The following GCKR variants were observed in gnomAD, a reference collection of about 807,000 sequenced individuals.
GCKR encodes the protein glucokinase regulatory protein.
GCKR carries 73 observed loss-of-function variants against 82.9 expected under a neutral mutation model. The ratio of observed to expected loss-of-function variants is 0.88; its 90% CI spans 0.73 to 1.07. GCKR has a LOEUF of 1.07. GCKR is among the 50% of genes least tolerant of loss of function. The pLI, the probability that GCKR is intolerant of heterozygous loss-of-function variation, is 0.00. For synonymous variants in GCKR, 294 were observed against 291.8 expected, an observed-to-expected ratio of 1.01 and a Z score of -0.08; for missense variants, 784 against 782.1, an observed-to-expected ratio of 1.00 and a Z score of -0.03.
chr2:27,514,580 C>T (rs990773508), intron 16 of GCKR, among the ~76,000 whole-genome samples: 1 of 152,160 alleles, frequency 6.6e-6, no homozygotes, highest in African/African-American at 2.4e-5. Flanking sequence ...AGAGCTCTTC[C>T]TCATTAATTT....
intron 16 of GCKR, among the ~76,000 whole-genome samples, chr2:27,509,007 G>T (rs915353947): frequency 3.9e-5 from 6 of 152,176 alleles, no homozygotes; most frequent in African/African-American, 1.4e-4. Context: ...CAGTGTGTGT[G>T]CTCTTTGCAA....
At position 27,503,531 on chromosome 2, in the gene GCKR, A is replaced by C; in HGVS notation, c.662A>C (p.Asp221Ala). The change falls in exon 9 of 19, where the codon GAC becomes GCC. Residue 221 changes from aspartate to alanine, a missense_variant. Coordinates refer to ENST00000264717, the MANE Select transcript of GCKR (RefSeq NM_001486.4). ...GACCTCAGAAATGACCCCATTGAAG[A>C]CTGGAGTTCAACATTCCGACAAGTA... ...VSMARNDPIE[D>A]WSSTFRQVAE... 2.5e-6 allele frequency: 4 copies of C among 1,593,560 alleles called. No individual in the cohort carries two copies. Among genetic ancestry groups the C allele is most frequent in the Non-Finnish European group, 3.4e-6 (4 of 1,161,202 alleles).
intron 4 of GCKR, 75 bp from the exon 5 acceptor site, chr2:27,498,649 C>A (rs1217417296): frequency 2.2e-6 from 2 of 902,112 alleles, no homozygotes. Context: ...AGTCTCTGCC[C>A]TCTAGGAGTT....
Position 27,501,140 on chromosome 2 carries a change from CT to C in GCKR, c.558del (p.Phe186LeufsTer10). On this transcript the variant is annotated frameshift_variant, in exon 8 of 19. Transcript: ENST00000264717. LOFTEE classifies it high-confidence loss of function. ...IGISVGLSAP[F>X]VAGQMDCCMN... ...TTCTCTCTCTTCACCATCAGGCTCC[CT>C]TTGTGGCAGGCCAGATGGACTGCTG... 1 of 1,612,372 alleles carries C rather than the reference CT, an allele frequency of 6.2e-7. No individual in the cohort carries two copies. The highest frequency in any genetic ancestry group is 8.5e-7 in the Non-Finnish European group (1 of 1,178,348).
At chr2:27,509,059 C>T (rs1173819583) in intron 16 of GCKR, among the ~76,000 whole-genome samples, 2 of 152,128 alleles carry the variant, frequency 1.3e-5, no homozygotes, top group Non-Finnish European at 2.9e-5. Context: ...GGATGCCGGT[C>T]TAGCTCTACA....
intron 18 of GCKR, 152 bp downstream of exon 18, chr2:27,522,746 G>T: frequency 1.4e-6 from 1 of 729,522 alleles, no homozygotes; most frequent in Middle Eastern, 3.3e-4. Context: ...GGTTTTGAAG[G>T]ATGAATAGGA....
At chr2:27,518,583 G>A (rs187975129) in intron 16 of GCKR, among the ~76,000 whole-genome samples, 298 of 152,304 alleles carry the variant, frequency 2.0e-3, no homozygotes, top group Middle Eastern at 6.8e-3. Context: ...ACACAAATGG[G>A]TGAAGCTACC....
Position 27,523,543 on chromosome 2 carries a change from G to A in GCKR, c.*104G>A, listed in dbSNP as rs704790. ...AGAACATGTGGGAGGAAGAAGCCCC[G>A]TTTCCAGGGCATCCGCAGCCCAGGG... On this transcript the variant is annotated 3_prime_UTR_variant, in exon 19 of 19. Coordinates refer to ENST00000264717, the MANE Select transcript of GCKR (RefSeq NM_001486.4). 8.8e-3 allele frequency: 10,213 copies of A among 1,166,014 alleles called. 616 individuals carry two copies. The African/African-American group carries it at 0.13, about 15-fold the overall frequency. The allele number at this position is 1,166,014 out of a possible 1,614,324, so 72.2% of individuals were successfully genotyped here.
intron 16 of GCKR, 45 bp downstream of exon 16, chr2:27,508,296 G>C (rs1482388521): frequency 8.2e-7 from 1 of 1,218,392 alleles, no homozygotes; most frequent in Non-Finnish European, 1.2e-6. Context: ...GGGCTCAGAG[G>C]GTGAGGGATT....
Position 27,503,615 on chromosome 2 carries a change from T to C in GCKR, c.746T>C (p.Ile249Thr). The change falls in exon 9 of 19, where the codon ATC (isoleucine) becomes ACC (threonine). Residue 249 changes from isoleucine (I) to threonine (T), a missense_variant. Transcript: ENST00000264717. ...AAAGCTTTTGTGCTCAATCCTGCCATCGGGGTAGGGCCTCTCCTTTTTCTA... is the reference window on the plus strand; with the variant it reads ...AAAGCTTTTGTGCTCAATCCTGCCACCGGGGTAGGGCCTCTCCTTTTTCTA... ...KQKAFVLNPA[I>T]GPEGLSGSSR... 1 of 1,553,082 alleles carries C rather than the reference T, an allele frequency of 6.4e-7. No homozygotes were observed. The highest frequency in any genetic ancestry group is 2.2e-5 in the East Asian group (1 of 44,616).
At chr2:27,515,767 T>C (rs6735762) in intron 16 of GCKR, among the ~76,000 whole-genome samples, 1 of 72,006 alleles carries the variant, frequency 1.4e-5, no homozygotes, top group Non-Finnish European at 2.9e-5. Context: ...ATATATATAT[T>C]TTTTTTTTTT....
At chr2:27,517,341 C>T (rs1231669795) in intron 16 of GCKR, among the ~76,000 whole-genome samples, 2 of 152,104 alleles carry the variant, frequency 1.3e-5, no homozygotes, top group African/African-American at 4.8e-5. Context: ...TTAATTGACC[C>T]ACAGTTCAGC....
chr2:27,508,101 C>A, intron 15 of GCKR, 27 bp downstream of exon 15: 1 of 1,591,186 alleles, frequency 6.3e-7, no homozygotes, highest in Non-Finnish European at 8.6e-7. Flanking sequence ...GACAAAGGGA[C>A]CCAGGTGGCA....
chr2:27,501,655 C>T (rs968520606), intron 8 of GCKR: 5 of 461,462 alleles, frequency 1.1e-5, no homozygotes, highest in African/African-American at 1.0e-4. Context: ...TGTCCAGTTC[C>T]CTTATTTAGT....
rs1446022740 is a variant in GCKR, at chr2:27,512,547, A to C, written c.1422+4296A>C. Among the ~76,000 whole-genome samples the C allele has an allele frequency of 7.2e-5, 11 of 152,182 alleles. No individual in the cohort carries two copies. The East Asian group carries it at 2.1e-3, about 29-fold the overall frequency. ...GAGACTCCATCTCAAAAAAAAAAAA[A>C]AAAGAAGATAATTGGAGATGCCTGA... On this transcript the variant is annotated intron_variant, in intron 16 of 18. Transcript: ENST00000264717.
At chr2:27,522,421 GC>G in intron 17 of GCKR, 38 bp from the exon 18 acceptor site, 1 of 1,611,254 alleles carries the variant, frequency 6.2e-7, no homozygotes, top group Non-Finnish European at 8.5e-7. Flanking sequence ...AGTTCCTCTG[GC>G]CTTTAGCCTG....
chr2:27,497,037 G>A (rs773722237), intron 1 of GCKR, 73 bp downstream of exon 1: 5 of 1,313,160 alleles, frequency 3.8e-6, no homozygotes, highest in Non-Finnish European at 5.5e-6. Flanking sequence ...TTCCCTCCCC[G>A]CTGGTTTCTG....
intron 17 of GCKR, 53 bp downstream of exon 17, chr2:27,518,990 T>A: frequency 6.5e-7 from 1 of 1,532,062 alleles, no homozygotes; most frequent in Non-Finnish European, 9.0e-7. Context: ...ATGCTTAGGC[T>A]GCCAGAGGAG....
At chr2:27,501,774 C>T (rs1669586198) in intron 8 of GCKR, 1 of 471,392 alleles carries the variant, frequency 2.1e-6, no homozygotes, top group South Asian at 1.5e-5. Flanking sequence ...TCACCTCCCT[C>T]TTATTCTCTA....
Sources: allele counts gnomAD v4.1 joint callset (sites outside exome capture counted in the v4.1 genomes callset), GRCh38; gene constraint gnomAD v4.1.1; transcripts MANE v1.5; gene names NCBI Gene and HGNC (gene_info 2026-07-23, HGNC 2026-07-21).